Variants in MCTP1 observed in about 807,000 individuals in gnomAD.
MCTP1 encodes the protein multiple C2 and transmembrane domain containing 1, also known as multiple C2 and transmembrane domain-containing protein 1.
In MCTP1, 69 loss-of-function variants were observed where a neutral mutation model predicts 120.6. The ratio of observed to expected loss-of-function variants is 0.57; its 90% CI spans 0.47 to 0.70. MCTP1 has a LOEUF of 0.70. Among genes scored for constraint, MCTP1 ranks in the 30% least tolerant of loss-of-function variants. MCTP1 has a pLI of 0.00. For missense variants in MCTP1, 1,203 were observed against 1,248.8 expected (o/e 0.96, Z 0.55); for synonymous variants, 529 against 493.1 (o/e 1.07, Z -0.96).
At chr5:94,744,963 G>T (rs913081376) in intron 19 of MCTP1, among the ~76,000 whole-genome samples, 5 of 152,196 alleles carry the variant, frequency 3.3e-5, no homozygotes, top group African/African-American at 1.2e-4. Flanking sequence ...AAGTCCAAGG[G>T]CACAGCCTTA....
At chr5:95,097,489 C>A (rs924590195) in intron 1 of MCTP1, among the ~76,000 whole-genome samples, 28 of 152,184 alleles carry the variant, frequency 1.8e-4, no homozygotes, top group African/African-American at 6.8e-4. Flanking sequence ...GCCAGTGTGG[C>A]CAGAGCACTG....
chr5:94,984,773 T>C (rs1177008753), intron 2 of MCTP1, among the ~76,000 whole-genome samples: 1 of 152,182 alleles, frequency 6.6e-6, no homozygotes, highest in East Asian at 1.9e-4. Context: ...CAAGTATGAA[T>C]ACACTTTATA....
intron 1 of MCTP1, among the ~76,000 whole-genome samples, chr5:95,068,433 GAAAAC>G (rs1412033449): frequency 6.6e-6 from 1 of 152,108 alleles, no homozygotes; most frequent in Non-Finnish European, 1.5e-5. Flanking sequence ...AAAAGGAAAT[GAAAAC>G]AAAACAAAAC....
chr5:94,941,585 T>C (rs1050849045), intron 4 of MCTP1, among the ~76,000 whole-genome samples: 2 of 151,986 alleles, frequency 1.3e-5, no homozygotes, highest in Non-Finnish European at 2.9e-5. Context: ...AACATGATCA[T>C]CCAAAACAGC....
At chr5:95,061,664 T>C (rs1749264543) in intron 1 of MCTP1, among the ~76,000 whole-genome samples, 1 of 151,804 alleles carries the variant, frequency 6.6e-6, no homozygotes, top group Non-Finnish European at 1.5e-5. Context: ...CTCGATCTCC[T>C]GACCTCGTGA....
At chr5:95,064,918 C>A (rs1329222921) in intron 1 of MCTP1, among the ~76,000 whole-genome samples, 2 of 152,168 alleles carry the variant, frequency 1.3e-5, no homozygotes, top group Non-Finnish European at 2.9e-5. Context: ...AAATAGCTGA[C>A]CTATGAAGAG....
intron 19 of MCTP1, among the ~76,000 whole-genome samples, chr5:94,763,997 C>T (rs1429217044): frequency 6.6e-6 from 1 of 151,974 alleles, no homozygotes; most frequent in Non-Finnish European, 1.5e-5. Context: ...GGCTTATAAT[C>T]GAGATTTATT....
intron 1 of MCTP1, among the ~76,000 whole-genome samples, chr5:95,169,606 C>T (rs1039585678): frequency 7.9e-5 from 12 of 152,274 alleles, no homozygotes; most frequent in African/African-American, 2.9e-4. Flanking sequence ...AATTCAACTT[C>T]TTCCTGGTTT....
At chr5:94,990,530 G>A (rs1831333656) in intron 2 of MCTP1, among the ~76,000 whole-genome samples, 1 of 152,150 alleles carries the variant, frequency 6.6e-6, no homozygotes, top group African/African-American at 2.4e-5. Context: ...AGAGGGTCAC[G>A]CTAGCTCAAG....
At chr5:95,199,090 C>G (rs1390226209) in intron 1 of MCTP1, among the ~76,000 whole-genome samples, 1 of 152,110 alleles carries the variant, frequency 6.6e-6, no homozygotes, top group Non-Finnish European at 1.5e-5. Flanking sequence ...CATAATGTGG[C>G]ATTTTAGGGA....
chr5:95,149,752 C>CA, intron 1 of MCTP1, among the ~76,000 whole-genome samples: 1 of 152,160 alleles, frequency 6.6e-6, no homozygotes, highest in African/African-American at 2.4e-5. Flanking sequence ...GGGCTCCCTG[C>CA]GGCCTTAAGC....
At chr5:94,825,616 ATCTG>A (rs1786839060) in intron 17 of MCTP1, among the ~76,000 whole-genome samples, 2 of 152,120 alleles carry the variant, frequency 1.3e-5, no homozygotes, top group South Asian at 2.1e-4. Flanking sequence ...TGTCTCGTTG[ATCTG>A]TCTAATATTG....
intron 1 of MCTP1, among the ~76,000 whole-genome samples, chr5:95,060,002 C>T (rs1748505303): frequency 6.6e-6 from 1 of 152,116 alleles, no homozygotes; most frequent in African/African-American, 2.4e-5. Context: ...AGCTCAGCCC[C>T]AAGGGTCTTT....
At chr5:94,805,470 C>T (rs1203542630) in intron 17 of MCTP1, among the ~76,000 whole-genome samples, 1 of 151,700 alleles carries the variant, frequency 6.6e-6, no homozygotes, top group Non-Finnish European at 1.5e-5. Flanking sequence ...CTACTAAAAA[C>T]AAAAAAATGT....
In MCTP1 at chr5:94,743,631, A is replaced by ATT. The variant is rs34620641; in HGVS notation, c.2611-28747_2611-28746dup. Among the ~76,000 whole-genome samples, 448 of 86,640 alleles carry ATT rather than the reference A, an allele frequency of 5.2e-3. 5 individuals are homozygous for ATT. Among genetic ancestry groups the ATT allele is most frequent in the Non-Finnish European group, 7.9e-3 (363 of 45,804 alleles). The allele number at this position is 86,640 out of a possible 152,430, so 56.8% of individuals were successfully genotyped here. On this transcript the variant is annotated intron_variant, in intron 19 of 22. Transcript: ENST00000515393. ...CTTTCAAGAGAAGCTCAAAATCCACATTTTTTTTTTTTTTTTTTTTTTTTG... is the reference window on the plus strand; with the variant it reads ...CTTTCAAGAGAAGCTCAAAATCCACATTTTTTTTTTTTTTTTTTTTTTTTTTG...
At chr5:95,012,376 ACATTT>A (rs1230243202) in intron 2 of MCTP1, among the ~76,000 whole-genome samples, 7 of 152,118 alleles carry the variant, frequency 4.6e-5, no homozygotes, top group African/African-American at 1.7e-4. Context: ...TGGAGTACAT[ACATTT>A]ATGTATAGTT....
intron 1 of MCTP1, among the ~76,000 whole-genome samples, chr5:95,120,963 A>G (rs1028717714): frequency 6.6e-6 from 1 of 152,162 alleles, no homozygotes; most frequent in East Asian, 1.9e-4. Context: ...AACTATTAGA[A>G]CTGATAAACA....
chr5:95,145,685 A>G (rs935846758), intron 1 of MCTP1, among the ~76,000 whole-genome samples: 1 of 152,172 alleles, frequency 6.6e-6, no homozygotes, highest in African/African-American at 2.4e-5. Flanking sequence ...TATGTGGTGA[A>G]TCACATTTAT....
chr5:94,707,973 T>TAAAA lies in MCTP1; in HGVS notation c.2929-410_2929-407dup, dbSNP rs34524369. On this transcript the variant is annotated intron_variant, in intron 22 of 22. Coordinates refer to ENST00000515393, the MANE Select transcript of MCTP1 (RefSeq NM_024717.7). ...ATCACTGTAACCCAGCTTCAGGATT[T>TAAAA]AAAAAAAAAAAAACAAACTTCTTTT... Among the ~76,000 whole-genome samples, 4 of 142,316 alleles carry TAAAA rather than the reference T, an allele frequency of 2.8e-5. No homozygotes were observed. In the Admixed American group the frequency reaches 2.8e-4, roughly 10 times the overall value. The allele number at this position is 142,316 out of a possible 152,430, so 93.4% of individuals were successfully genotyped here.
Sources: allele counts gnomAD v4.1 joint callset (sites outside exome capture counted in the v4.1 genomes callset), GRCh38; gene constraint gnomAD v4.1.1; transcripts MANE v1.5; gene names NCBI Gene and HGNC (gene_info 2026-07-23, HGNC 2026-07-21).